The following MRC2 variants were observed in gnomAD, a reference collection of about 807,000 sequenced individuals.
MRC2 encodes the protein mannose receptor C-type 2.
Under a neutral mutation model 206.2 loss-of-function variants are expected in MRC2, and 84 were observed. The ratio of observed to expected loss-of-function variants is 0.41; its 90% confidence interval spans 0.34 to 0.49. The LOEUF is 0.49. MRC2 is among the 20% of genes least tolerant of loss of function. The pLI is 0.31. For synonymous variants in MRC2, 798 were observed against 800.0 expected (o/e 1.00, Z 0.04); for missense variants, 1,676 against 2,001.5 (o/e 0.84, Z 3.10).
At position 62,684,918 on chromosome 17, in the gene MRC2, A is replaced by C. The variant is rs376417504; in HGVS notation, c.2946+2541A>C. Among the ~76,000 whole-genome samples the C allele has an allele frequency of 7.7e-4, 118 of 152,286 alleles. 1 individual carries two copies. The Middle Eastern group carries it at 0.01, about 13-fold the overall frequency. ...CACTTTGGGAGGCCGAGGCGGGTGG[A>C]TCACCTGAGATCAGGAGTTTGAGAC... On this transcript the variant is annotated intron_variant, in intron 20 of 29. Coordinates refer to ENST00000303375, the MANE Select transcript of MRC2 (RefSeq NM_006039.5).
chr17:62,633,502 CAAAAAAAAAA>C (rs999150702), intron 1 of MRC2, among the ~76,000 whole-genome samples: 2 of 73,538 alleles, frequency 2.7e-5, no homozygotes, highest in Non-Finnish European at 5.2e-5. Context: ...GACTCCGTCT[CAAAAAAAAAA>C]AAAAAAAAAA....
Position 62,664,942 on chromosome 17 carries a change from C to T in MRC2, c.513C>T (p.Pro171=). The T allele has an allele frequency of 1.2e-6, 2 of 1,602,388 alleles. No individual in the cohort carries two copies. Among genetic ancestry groups the T allele is most frequent in the South Asian group, 1.1e-5 (1 of 90,570 alleles). ...YGSEEDLCAL[P]YHEVYTIQGN... is the part of the protein sequence containing the mutation. ...GCGAGGAGGACCTATGTGCTCTGCC[C>T]TACCACGGTGAGGGGCCGCTTGCAG... is the stretch of plus-strand genomic sequence containing the variant. The change falls in exon 2 of 30, where the codon CCC becomes CCT. Residue 171 remains proline (P), a synonymous_variant. Coordinates refer to ENST00000303375, the MANE Select transcript of MRC2 (RefSeq NM_006039.5). The surrounding 1 kb of genome is among the most constrained non-coding windows in gnomAD (Gnocchi z 4.7).
chr17:62,682,229 C>T lies in MRC2; in HGVS notation c.2804-6C>T. 6.4e-7 allele frequency: 1 copy of T among 1,574,706 alleles called. No individual in the cohort carries two copies. The highest frequency in any genetic ancestry group is 8.6e-7 in the Non-Finnish European group (1 of 1,159,594). On this transcript the variant is annotated splice_polypyrimidine_tract_variant and splice_region_variant and intron_variant, in intron 19 of 29. Transcript: ENST00000303375. ...GGGTGACTGCCCTCCCCTCCCCTTT[C>T]CGCAGAGGACTGGGGGGACCAGAGG...
In MRC2 at chr17:62,675,833, A is replaced by G. The variant is rs370875774; in HGVS notation, c.1613A>G (p.Asp538Gly). Reference protein sequence around the residue: ...HSPSCYWLGEDQVTYSEARRL... With the variant: ...HSPSCYWLGEGQVTYSEARRL... ...CCATCCTGCTACTGGCTGGGAGAAG[A>G]CCAAGTGACCTACAGTGAGGCCCGG... is the stretch of plus-strand genomic sequence containing the variant. The change falls in exon 10 of 30, where the codon GAC becomes GGC. Residue 538 changes from aspartate to glycine, a missense_variant. By Grantham distance (94) the Asp-to-Gly change is moderately conservative. Transcript: ENST00000303375. The surrounding 1 kb of genome is among the most constrained non-coding windows in gnomAD (Gnocchi z 4.1). 22 of 1,614,042 alleles carry G rather than the reference A, an allele frequency of 1.4e-5. No homozygotes were observed. The highest frequency in any genetic ancestry group is 1.6e-5 in the Non-Finnish European group (19 of 1,180,018).
At chr17:62,690,457 A>T (rs1270567169) in intron 26 of MRC2, 152 bp downstream of exon 26, 2 of 1,329,474 alleles carry the variant, frequency 1.5e-6, no homozygotes, top group African/African-American at 2.9e-5. Flanking sequence ...GAGACCATAC[A>T]TGACACTATA....
In MRC2 at chr17:62,675,704, T is replaced by C. The variant is rs1405408346; in HGVS notation, c.1570-86T>C. The C allele has an allele frequency of 4.7e-6, 5 of 1,053,034 alleles. No homozygotes were observed. Among genetic ancestry groups the C allele is most frequent in the Non-Finnish European group, 5.9e-6 (4 of 679,702 alleles). The allele number at this position is 1,053,034 out of a possible 1,614,324, so 65.2% of individuals were successfully genotyped here. ...TGAGCACGTTCAGTGATGTCCCTGA[T>C]GGCATCTCCCACCACAGGATTTATG... On this transcript the variant is annotated intron_variant, in intron 9 of 29. Coordinates refer to ENST00000303375, the MANE Select transcript of MRC2 (RefSeq NM_006039.5). This position sits in a 1 kb window ranked among gnomAD's most constrained non-coding sequence, Gnocchi z 4.1.
Position 62,680,762 on chromosome 17 carries a change from G to C in MRC2, c.2474-38G>C. 1 of 1,524,224 alleles carries C rather than the reference G, an allele frequency of 6.6e-7. No individual in the cohort carries two copies. The highest frequency in any genetic ancestry group is 8.8e-7 in the Non-Finnish European group (1 of 1,137,738). The allele number at this position is 1,524,224 out of a possible 1,614,324, so 94.4% of individuals were successfully genotyped here. On this transcript the variant is annotated intron_variant, in intron 16 of 29. Transcript: ENST00000303375. This position sits in a 1 kb window ranked among gnomAD's most constrained non-coding sequence, Gnocchi z 4.8. The stretch of plus-strand genomic sequence containing the variant: ...CTCCGGGGCCTGGCGTGCAGCCTCT[G>C]CCTGGCCGCCGCTCCCACGCCCGCG...
rs113859572 is a variant in MRC2, at chr17:62,664,946, C to A, written c.517C>A (p.His173Asn). 1.2e-6 allele frequency: 2 copies of A among 1,600,570 alleles called. No individual in the cohort carries two copies. The highest frequency in any genetic ancestry group is 2.7e-5 in the African/African-American group (2 of 74,824). ...GGAGGACCTATGTGCTCTGCCCTAC[C>A]ACGGTGAGGGGCCGCTTGCAGGCGG... ...SEEDLCALPY[H>N]EVYTIQGNSH... Residue 173 changes from histidine (H) to asparagine (N), a missense_variant, in exon 2 of 30, where the codon CAC becomes AAC. Around this residue, in one of 3 missense-constraint regions of MRC2, gnomAD observed 318 missense variants for 346.7 expected, o/e 0.92. Coordinates refer to ENST00000303375, the MANE Select transcript of MRC2 (RefSeq NM_006039.5). This position sits in a 1 kb window ranked among gnomAD's most constrained non-coding sequence, Gnocchi z 4.7.
chr17:62,651,382 G>A (rs560214130), intron 1 of MRC2, among the ~76,000 whole-genome samples: 127 of 150,736 alleles, frequency 8.4e-4, no homozygotes, highest in African/African-American at 2.9e-3. Flanking sequence ...GCGCCCGGCC[G>A]ACAAACATCT....
chr17:62,668,936 G>A (rs2088791491), intron 6 of MRC2, among the ~76,000 whole-genome samples: 3 of 152,180 alleles, frequency 2.0e-5, no homozygotes, highest in Non-Finnish European at 2.9e-5. Flanking sequence ...TTGCAAGGTT[G>A]TTGTGAGGAA....
rs967489070 is a variant in MRC2, at chr17:62,667,362, G to A, written c.974-28G>A. The A allele has an allele frequency of 1.9e-6, 3 of 1,571,866 alleles. No homozygotes were observed. The highest frequency in any genetic ancestry group is 2.7e-5 in the African/African-American group (2 of 73,426). ...CCACGGTGTGAGCTTCTCTCTCCGG[G>A]GGTGCTGGCGCCCTGCCCTCCCCAC... is the stretch of plus-strand genomic sequence containing the variant. On this transcript the variant is annotated intron_variant, in intron 5 of 29. Coordinates refer to ENST00000303375, the MANE Select transcript of MRC2 (RefSeq NM_006039.5). This position sits in a 1 kb window ranked among gnomAD's most constrained non-coding sequence, Gnocchi z 4.1.
chr17:62,641,282 C>T (rs1351852034), intron 1 of MRC2, among the ~76,000 whole-genome samples: 1 of 148,378 alleles, frequency 6.7e-6, no homozygotes, highest in Non-Finnish European at 1.5e-5. Flanking sequence ...CGCCATTGCA[C>T]TCCAGCCTGG....
Position 62,667,337 on chromosome 17 carries a change from C to G in MRC2, c.974-53C>G. 1 of 1,528,688 alleles carries G rather than the reference C, an allele frequency of 6.5e-7. No homozygotes were observed. The highest frequency in any genetic ancestry group is 1.4e-5 in the African/African-American group (1 of 71,898). The allele number at this position is 1,528,688 out of a possible 1,614,324, so 94.7% of individuals were successfully genotyped here. On this transcript the variant is annotated intron_variant, in intron 5 of 29. Coordinates refer to ENST00000303375, the MANE Select transcript of MRC2 (RefSeq NM_006039.5). The surrounding 1 kb of genome is among the most constrained non-coding windows in gnomAD (Gnocchi z 4.1). ...GAGGTTCTGAGCAGGGCCCCGGGAG[C>G]CACGGTGTGAGCTTCTCTCTCCGGG...
intron 20 of MRC2, among the ~76,000 whole-genome samples, chr17:62,685,743 T>C (rs568005781): frequency 6.6e-6 from 1 of 152,180 alleles, no homozygotes; most frequent in East Asian, 1.9e-4. Flanking sequence ...GGTTTTGCCA[T>C]GTTGTCCAGG....
chr17:62,659,477 A>G (rs927147973), intron 1 of MRC2, among the ~76,000 whole-genome samples: 4 of 151,534 alleles, frequency 2.6e-5, no homozygotes, highest in African/African-American at 9.7e-5. Context: ...GGGGAGGCGG[A>G]GGTTGCAGCA....
intron 1 of MRC2, among the ~76,000 whole-genome samples, chr17:62,650,117 A>G (rs2088538303): frequency 6.6e-6 from 1 of 151,636 alleles, no homozygotes; most frequent in African/African-American, 2.4e-5. Context: ...CTGGCCTCGA[A>G]CTCTTGGCCT....
Position 62,689,643 on chromosome 17 carries a change from G to C in MRC2, c.3456G>C (p.Leu1152=), listed in dbSNP as rs1186701144. 6.2e-6 allele frequency: 10 copies of C among 1,600,742 alleles called. No individual in the cohort carries two copies. The highest frequency in any genetic ancestry group is 2.6e-6 in the Non-Finnish European group (3 of 1,174,104). Residue 1152 remains leucine (L), a synonymous_variant, in exon 24 of 30, where the codon CTG becomes CTC. Coordinates refer to ENST00000303375, the MANE Select transcript of MRC2 (RefSeq NM_006039.5). ...KPLRWHDALL[L]CESRNASLAY... The stretch of plus-strand genomic sequence containing the variant: ...TGCGCTGGCACGATGCCCTCCTGCT[G>C]TGTGAGAGCCGCAATGCCAGCCTGG...
chr17:62,644,467 G>A (rs1488007085), intron 1 of MRC2, among the ~76,000 whole-genome samples: 3 of 152,206 alleles, frequency 2.0e-5, no homozygotes, highest in African/African-American at 7.2e-5. Flanking sequence ...GCTCACGCCT[G>A]TAATCTCAGC....
chr17:62,655,733 AAAAAAG>A (rs1568056519), intron 1 of MRC2, among the ~76,000 whole-genome samples: 1 of 151,802 alleles, frequency 6.6e-6, no homozygotes, highest in African/African-American at 2.4e-5. Flanking sequence ...AAAAAAAAAA[AAAAAAG>A]AAAAAGAAAA....
Sources: allele counts gnomAD v4.1 joint callset (sites outside exome capture counted in the v4.1 genomes callset), GRCh38; gene constraint gnomAD v4.1.1; regional missense constraint gnomAD v4.1.1; non-coding constraint Gnocchi (gnomAD v3.1); transcripts MANE v1.5; gene names NCBI Gene and HGNC (gene_info 2026-07-23, HGNC 2026-07-21).